Variants in RABGAP1L observed in about 807,000 individuals in gnomAD.
The protein encoded by RABGAP1L is rab GTPase-activating protein 1-like.
Under a neutral mutation model 137.7 loss-of-function variants are expected in RABGAP1L, and 63 were observed. The ratio of observed to expected loss-of-function variants is 0.46; its 90% CI spans 0.37 to 0.56. The LOEUF (loss-of-function observed/expected upper bound fraction) is 0.56. Ranked by LOEUF, RABGAP1L falls within the 20% of genes least tolerant of loss-of-function variation. The pLI is 0.00. For synonymous variants in RABGAP1L, 431 were observed against 433.7 expected, an observed-to-expected ratio of 0.99 and a Z score of 0.08; for missense variants, 1,095 against 1,244.0, an observed-to-expected ratio of 0.88 and a Z score of 1.80.
chr1:174,765,581 T>C (rs971670435), intron 18 of RABGAP1L, among the ~76,000 whole-genome samples: 1 of 152,016 alleles, frequency 6.6e-6, no homozygotes, highest in African/African-American at 2.4e-5. Context: ...ACTACGTGTG[T>C]GCCACCATGT....
At chr1:174,711,523 G>T (rs1414304074) in intron 17 of RABGAP1L, among the ~76,000 whole-genome samples, 2 of 152,168 alleles carry the variant, frequency 1.3e-5, no homozygotes, top group Non-Finnish European at 2.9e-5. Context: ...CCTGGGCAGT[G>T]AGGTGCTTCG....
chr1:174,193,526 T>C (rs1299793499), intron 1 of RABGAP1L, among the ~76,000 whole-genome samples: 2 of 152,058 alleles, frequency 1.3e-5, no homozygotes, highest in Admixed American at 6.6e-5. Context: ...AGCAAGACTC[T>C]CAGAAAAAAT....
At chr1:174,715,261 T>G (rs1392625384) in intron 17 of RABGAP1L, among the ~76,000 whole-genome samples, 2 of 152,192 alleles carry the variant, frequency 1.3e-5, no homozygotes, top group Admixed American at 1.3e-4. Flanking sequence ...AGACCTCCAT[T>G]GTAATTATTA....
At chr1:174,312,222 G>C (rs1229222314) in intron 11 of RABGAP1L, among the ~76,000 whole-genome samples, 3 of 152,142 alleles carry the variant, frequency 2.0e-5, no homozygotes, top group East Asian at 1.9e-4. Context: ...CAGTGTACAA[G>C]GGTTCTTTTA....
At position 174,886,126 on chromosome 1, in the gene RABGAP1L, A is replaced by G. The variant is rs556507293; in HGVS notation, c.2341-71331A>G. On this transcript the variant is annotated intron_variant, in intron 19 of 25. Coordinates refer to ENST00000681986, the MANE Select transcript of RABGAP1L (RefSeq NM_001366446.1). ...CCTCCCAGGTTCAAGCAGTTCTCCT[A>G]CCTCAGCCTATGGGTAGCTGGGATT... Among the ~76,000 whole-genome samples, 36 of 149,388 alleles carry G rather than the reference A, an allele frequency of 2.4e-4. 1 individual carries two copies. The South Asian group carries it at 7.6e-3, about 32-fold the overall frequency.
chr1:174,942,464 A>T (rs988471301), intron 19 of RABGAP1L, among the ~76,000 whole-genome samples: 8 of 152,208 alleles, frequency 5.3e-5, no homozygotes, highest in African/African-American at 1.9e-4. Flanking sequence ...TAGTAAGATG[A>T]TAGTATAGTA....
chr1:174,546,349 A>G (rs1301201778), intron 13 of RABGAP1L, among the ~76,000 whole-genome samples: 1 of 152,250 alleles, frequency 6.6e-6, no homozygotes. Flanking sequence ...TAGTGTATGT[A>G]GGTAGCCTAT....
At chr1:174,540,880 T>G (rs1665346945) in intron 13 of RABGAP1L, among the ~76,000 whole-genome samples, 1 of 152,236 alleles carries the variant, frequency 6.6e-6, no homozygotes, top group African/African-American at 2.4e-5. Context: ...TAAATTACCT[T>G]GGGCAATATG....
At chr1:174,607,663 T>TA (rs1670887112) in intron 13 of RABGAP1L, among the ~76,000 whole-genome samples, 1 of 152,210 alleles carries the variant, frequency 6.6e-6, no homozygotes, top group Non-Finnish European at 1.5e-5. Flanking sequence ...CTGTATCACT[T>TA]ACATTAGGAG....
rs956431152 is a variant in RABGAP1L at position 174,741,479 on chromosome 1, C to G, written c.2170-10834C>G. On this transcript the variant is annotated intron_variant, in intron 17 of 25. Coordinates refer to ENST00000681986, the MANE Select transcript of RABGAP1L (RefSeq NM_001366446.1). ...ATGGGCCCAGATGATCCCCCTGCCT[C>G]ACCCTCCCAAGTAGCTCAGACTACA... is the stretch of plus-strand genomic sequence containing the variant. Among the ~76,000 whole-genome samples, 3 of 152,106 alleles carry G rather than the reference C, an allele frequency of 2.0e-5. No individual in the cohort carries two copies. In the East Asian group the frequency reaches 5.8e-4, roughly 29 times the overall value.
At chr1:174,733,719 A>G (rs777585529) in intron 17 of RABGAP1L, among the ~76,000 whole-genome samples, 1 of 152,198 alleles carries the variant, frequency 6.6e-6, no homozygotes, top group Non-Finnish European at 1.5e-5. Context: ...CATAATATCT[A>G]AGTGGGGAAG....
chr1:174,930,635 T>C (rs1469228832), intron 19 of RABGAP1L, among the ~76,000 whole-genome samples: 2 of 152,136 alleles, frequency 1.3e-5, no homozygotes, highest in Non-Finnish European at 2.9e-5. Flanking sequence ...CATTTTTAAG[T>C]TGTCAAACAT....
At chr1:174,645,005 C>T (rs184788742) in intron 14 of RABGAP1L, among the ~76,000 whole-genome samples, 1 of 151,990 alleles carries the variant, frequency 6.6e-6, no homozygotes, top group African/African-American at 2.4e-5. Flanking sequence ...AACATGAGCA[C>T]TATAGTTAAT....
At chr1:174,833,368 TTGTG>T (rs71117578) in intron 19 of RABGAP1L, among the ~76,000 whole-genome samples, 7,034 of 108,310 alleles carry the variant, frequency 0.065, 660 homozygotes, top group African/African-American at 0.19. Flanking sequence ...ACCAGCTAAT[TTGTG>T]TGTGTGTGTG....
At chr1:174,840,815 C>CA (rs5778817) in intron 19 of RABGAP1L, among the ~76,000 whole-genome samples, 25,002 of 71,316 alleles carry the variant, frequency 0.35, 2,522 homozygotes, top group South Asian at 0.44. Flanking sequence ...GAATCTGTCT[C>CA]AAAAAAAAAA....
intron 17 of RABGAP1L, among the ~76,000 whole-genome samples, chr1:174,743,784 G>T (rs1033121472): frequency 7.9e-5 from 12 of 151,784 alleles, no homozygotes; most frequent in African/African-American, 2.7e-4. Flanking sequence ...TGTAAACCAA[G>T]AAAATATTTT....
chr1:174,749,540 C>T (rs1684173074), intron 17 of RABGAP1L, among the ~76,000 whole-genome samples: 1 of 151,874 alleles, frequency 6.6e-6, no homozygotes, highest in Admixed American at 6.6e-5. Flanking sequence ...CACTTTGTTG[C>T]CCAGGTTGGC....
At chr1:174,548,325 A>G (rs1226588487) in intron 13 of RABGAP1L, 1 of 1,196,288 alleles carries the variant, frequency 8.4e-7, no homozygotes, top group African/African-American at 1.5e-5. Context: ...TTGTAAAATG[A>G]TAGTTTTTGT....
intron 13 of RABGAP1L, among the ~76,000 whole-genome samples, chr1:174,533,661 G>GTGTTTT (rs576126636): frequency 1.1e-4 from 16 of 151,960 alleles, no homozygotes; most frequent in African/African-American, 2.7e-4. Flanking sequence ...TACGAAATAC[G>GTGTTTT]TGTTTTTGTT....
Sources: gnomAD v4.1 joint callset for allele counts (sites outside exome capture counted in the v4.1 genomes callset) on GRCh38, gnomAD v4.1.1 for gene constraint, MANE v1.5 for transcripts, NCBI Gene and HGNC (gene_info 2026-07-23, HGNC 2026-07-21) for gene names.